The following SERGEF variants were observed in gnomAD, a reference collection of about 807,000 sequenced individuals.
SERGEF encodes secretion-regulating guanine nucleotide exchange factor.
Under a neutral mutation model 50.0 loss-of-function variants are expected in SERGEF, and 51 were observed. The ratio of observed to expected loss-of-function variants is 1.02; its 90% CI spans 0.81 to 1.29. The LOEUF (loss-of-function observed/expected upper bound fraction) is 1.29. Among genes scored for constraint, SERGEF ranks in the 50% most tolerant of loss-of-function variants. SERGEF has a pLI of 0.00. For missense variants in SERGEF, 521 were observed against 557.0 expected, an observed-to-expected ratio of 0.94 and a Z score of 0.65; for synonymous variants, 205 against 212.4, an observed-to-expected ratio of 0.97 and a Z score of 0.30.
At chr11:17,843,022 C>T (rs1200487975) in intron 10 of SERGEF, among the ~76,000 whole-genome samples, 1 of 152,136 alleles carries the variant, frequency 6.6e-6, no homozygotes, top group African/African-American at 2.4e-5. Flanking sequence ...ATAAGGATCC[C>T]CAACCTATAA....
chr11:17,952,585 C>T (rs996973402), intron 9 of SERGEF, among the ~76,000 whole-genome samples: 11 of 152,148 alleles, frequency 7.2e-5, no homozygotes, highest in African/African-American at 2.7e-4. Flanking sequence ...AGCCTTCTGA[C>T]GTGCTCTGGT....
chr11:17,992,893 T>G, intron 7 of SERGEF, 38 bp downstream of exon 7: 2 of 1,566,394 alleles, frequency 1.3e-6, no homozygotes, highest in Non-Finnish European at 1.8e-6. Flanking sequence ...TACAGAATCC[T>G]GAATGGCATG....
intron 9 of SERGEF, among the ~76,000 whole-genome samples, chr11:17,943,099 T>TAAAAC (rs57463126): frequency 0.51 from 77,622 of 151,386 alleles, 20,261 homozygotes; most frequent in Middle Eastern, 0.66. Context: ...GCTGACTTCA[T>TAAAAC]AAATTTGGAA....
chr11:17,846,181 G>C (rs16934744), intron 10 of SERGEF, among the ~76,000 whole-genome samples: 3,509 of 152,256 alleles, frequency 0.023, 135 homozygotes, highest in African/African-American at 0.08. Context: ...CATAAAGTGG[G>C]CTTCTACTAG....
chr11:17,890,477 CAT>C (rs1298816176), intron 9 of SERGEF, among the ~76,000 whole-genome samples: 1 of 152,082 alleles, frequency 6.6e-6, no homozygotes, highest in East Asian at 1.9e-4. Context: ...TGCACAAACT[CAT>C]GTTTTTCTCA....
intron 10 of SERGEF, among the ~76,000 whole-genome samples, chr11:17,834,869 G>T (rs1850373690): frequency 6.6e-6 from 1 of 152,148 alleles, no homozygotes; most frequent in Non-Finnish European, 1.5e-5. Context: ...TCTCTCAGCT[G>T]GTATTTCGGT....
chr11:17,892,303 T>C (rs1052522512), intron 9 of SERGEF, among the ~76,000 whole-genome samples: 4 of 152,242 alleles, frequency 2.6e-5, no homozygotes, highest in African/African-American at 4.8e-5. Flanking sequence ...TAACTAGATG[T>C]TAGCAAATGT....
chr11:17,896,257 T>C (rs1273907045), intron 9 of SERGEF, among the ~76,000 whole-genome samples: 1 of 152,056 alleles, frequency 6.6e-6, no homozygotes, highest in Non-Finnish European at 1.5e-5. Context: ...CTAACATATA[T>C]GGGGTGTATA....
intron 10 of SERGEF, among the ~76,000 whole-genome samples, chr11:17,802,672 G>A (rs1012133418): frequency 6.6e-6 from 1 of 152,078 alleles, no homozygotes; most frequent in Non-Finnish European, 1.5e-5. Flanking sequence ...GGCCAGTCAT[G>A]CTTCCAGCTT....
chr11:17,811,131 C>T (rs1295447524), intron 10 of SERGEF, among the ~76,000 whole-genome samples: 2 of 152,196 alleles, frequency 1.3e-5, no homozygotes, highest in Non-Finnish European at 2.9e-5. Context: ...TAAAAGAACC[C>T]TCCAAGATCA....
chr11:17,997,590 A>G (rs1853864530), intron 5 of SERGEF, among the ~76,000 whole-genome samples: 1 of 152,250 alleles, frequency 6.6e-6, no homozygotes, highest in Non-Finnish European at 1.5e-5. Flanking sequence ...TGTTCATAGC[A>G]GCATTATTCA....
At chr11:17,913,976 C>T (rs974356455) in intron 9 of SERGEF, among the ~76,000 whole-genome samples, 5 of 152,256 alleles carry the variant, frequency 3.3e-5, no homozygotes, top group Non-Finnish European at 7.3e-5. Flanking sequence ...ATTCACAATT[C>T]TCACTGACTA....
chr11:17,831,028 T>C (rs929625224), intron 10 of SERGEF, among the ~76,000 whole-genome samples: 12 of 152,226 alleles, frequency 7.9e-5, no homozygotes, highest in Non-Finnish European at 1.5e-4. Context: ...AGTACTTTTC[T>C]ATTTTCACGG....
chr11:17,803,869 G>C (rs1849712690), intron 10 of SERGEF, among the ~76,000 whole-genome samples: 1 of 152,194 alleles, frequency 6.6e-6, no homozygotes, highest in African/African-American at 2.4e-5. Context: ...TTCTAGCCGA[G>C]GGTTCAGATT....
chr11:18,002,909 C>G (rs1443304551), intron 4 of SERGEF, among the ~76,000 whole-genome samples: 1 of 152,224 alleles, frequency 6.6e-6, no homozygotes, highest in African/African-American at 2.4e-5. Context: ...TTTTTACTCT[C>G]TGATTCTGTC....
rs192881652 is a variant in SERGEF, at chr11:18,012,985, T to C, written c.26A>G (p.Glu9Gly). Residue 9 changes from glutamate to glycine, a missense_variant, in exon 1 of 11, where the codon GAG (glutamate) becomes GGG (glycine). Coordinates refer to ENST00000265965, the MANE Select transcript of SERGEF (RefSeq NM_012139.4). Reference protein sequence around the residue: MEREPSASEAAPAAAALFA... With the variant: MEREPSASGAAPAAAALFA... ...GAGCGCGGCCGCCGCGGGGGCGGCC[T>C]CCGAGGCGCTGGGCTCGCGCTCCAT... is the stretch of plus-strand genomic sequence containing the variant. The C allele has an allele frequency of 4.9e-3, 7,099 of 1,462,648 alleles. 187 individuals carry two copies. In the East Asian group the frequency reaches 0.059, roughly 12 times the overall value. The allele number at this position is 1,462,648 out of a possible 1,614,324, so 90.6% of individuals were successfully genotyped here.
At chr11:18,001,884 C>A in intron 4 of SERGEF, 1 of 416,580 alleles carries the variant, frequency 2.4e-6, no homozygotes, top group South Asian at 1.8e-5. Flanking sequence ...TGTTTATTTA[C>A]AGGTCCACAG....
chr11:17,837,743 C>T (rs1850427584), intron 10 of SERGEF, among the ~76,000 whole-genome samples: 1 of 151,202 alleles, frequency 6.6e-6, no homozygotes, highest in Non-Finnish European at 1.5e-5. Context: ...TCACAGCAAC[C>T]TCTGCTTCCC....
intron 8 of SERGEF, among the ~76,000 whole-genome samples, chr11:17,961,271 T>A (rs1222221535): frequency 1.3e-5 from 2 of 152,178 alleles, no homozygotes; most frequent in Non-Finnish European, 2.9e-5. Context: ...ACACTCTTCC[T>A]TCACTTCTGC....
Sources: gnomAD v4.1 joint callset for allele counts (sites outside exome capture counted in the v4.1 genomes callset) on GRCh38, gnomAD v4.1.1 for gene constraint, MANE v1.5 for transcripts, NCBI Gene and HGNC (gene_info 2026-07-23, HGNC 2026-07-21) for gene names.